Variants in RGS7 observed in about 807,000 individuals in gnomAD.
RGS7 encodes regulator of G protein signaling 7, also known as regulator of G-protein signaling 7.
RGS7 carries 27 observed loss-of-function variants against 81.1 expected under a neutral mutation model. The observed-to-expected ratio is 0.33, with a 90% confidence interval of 0.25 to 0.46. The LOEUF is 0.46. RGS7 is among the 20% of genes least tolerant of loss of function. RGS7 has a pLI of 1.00. For synonymous variants in RGS7, 208 were observed against 207.7 expected, an observed-to-expected ratio of 1.00 and a Z score of -0.01; for missense variants, 396 against 607.4, an observed-to-expected ratio of 0.65 and a Z score of 3.66.
At chr1:241,061,466 C>A (rs2061734572) in intron 3 of RGS7, among the ~76,000 whole-genome samples, 1 of 152,146 alleles carries the variant, frequency 6.6e-6, no homozygotes, top group East Asian at 1.9e-4. Flanking sequence ...GATCTCCTTA[C>A]CCTTATGTTA....
chr1:241,112,055 C>T (rs1378229779), intron 2 of RGS7, among the ~76,000 whole-genome samples: 4 of 152,088 alleles, frequency 2.6e-5, no homozygotes, highest in African/African-American at 7.2e-5. Flanking sequence ...TCAGGTCATT[C>T]GAGCTTAATA....
At chr1:240,785,460 G>A (rs371436337) in intron 18 of RGS7, among the ~76,000 whole-genome samples, 1 of 152,174 alleles carries the variant, frequency 6.6e-6, no homozygotes, top group Non-Finnish European at 1.5e-5. Flanking sequence ...ACGTGATTTT[G>A]TAAGTCATCT....
At chr1:240,823,067 T>C in intron 10 of RGS7, 3 of 742,576 alleles carry the variant, frequency 4.0e-6, no homozygotes, top group Non-Finnish European at 7.1e-6. Context: ...GCCTCCTCAA[T>C]GTCACCTGGA....
chr1:241,061,154 C>A lies in RGS7; in HGVS notation c.175+37512G>T, dbSNP rs553504318. On this transcript the variant is annotated intron_variant, in intron 3 of 18. Coordinates refer to ENST00000440928, the MANE Select transcript of RGS7 (RefSeq NM_001364886.1). Reference sequence around the variant, plus strand: ...GCTGGTTACCTAGAGTCACCCAAGACCCCCAAGACTGACAGTCCAGCTCAA... The same window carrying A: ...GCTGGTTACCTAGAGTCACCCAAGAACCCCAAGACTGACAGTCCAGCTCAA... Among the ~76,000 whole-genome samples, 8 of 152,304 alleles carry A rather than the reference C, an allele frequency of 5.3e-5. No homozygotes were observed. The South Asian group carries it at 1.7e-3, about 32-fold the overall frequency.
intron 3 of RGS7, among the ~76,000 whole-genome samples, chr1:241,087,976 CTATATATA>C (rs1191726960): frequency 1.1e-5 from 1 of 94,750 alleles, no homozygotes; most frequent in African/African-American, 4.7e-5. Context: ...CTCTCTCTCT[CTATATATA>C]TATATATATA....
At chr1:241,180,531 T>G (rs1310010879) in intron 2 of RGS7, among the ~76,000 whole-genome samples, 1 of 152,236 alleles carries the variant, frequency 6.6e-6, no homozygotes, top group Non-Finnish European at 1.5e-5. Context: ...CCTTGACACC[T>G]GTTTCTCATT....
At chr1:241,235,703 T>G (rs1453817226) in intron 2 of RGS7, among the ~76,000 whole-genome samples, 1 of 151,142 alleles carries the variant, frequency 6.6e-6, no homozygotes, top group Non-Finnish European at 1.5e-5. Context: ...TTTCTCTCTT[T>G]CCTTCTCTCT....
At chr1:241,191,021 C>T (rs924658577) in intron 2 of RGS7, among the ~76,000 whole-genome samples, 3 of 151,334 alleles carry the variant, frequency 2.0e-5, no homozygotes, top group Admixed American at 6.6e-5. Flanking sequence ...CTTGCTCTGT[C>T]GCCAGGCTGG....
intron 2 of RGS7, among the ~76,000 whole-genome samples, chr1:241,274,947 T>A (rs2078114000): frequency 6.6e-6 from 1 of 152,244 alleles, no homozygotes; most frequent in African/African-American, 2.4e-5. Context: ...CAGGACGGAC[T>A]GATTATTCAA....
chr1:240,901,826 C>T (rs1012288089), intron 6 of RGS7, among the ~76,000 whole-genome samples: 5 of 152,182 alleles, frequency 3.3e-5, no homozygotes, highest in African/African-American at 1.2e-4. Context: ...TTCTCCCAGA[C>T]CTCTGCAGGC....
chr1:241,202,133 C>T (rs192510827), intron 2 of RGS7, among the ~76,000 whole-genome samples: 1 of 151,814 alleles, frequency 6.6e-6, no homozygotes, highest in Admixed American at 6.6e-5. Flanking sequence ...AAGGTTCTTA[C>T]ATTAATACCT....
At chr1:241,240,851 C>T (rs2076226913) in intron 2 of RGS7, among the ~76,000 whole-genome samples, 1 of 152,156 alleles carries the variant, frequency 6.6e-6, no homozygotes, top group Admixed American at 6.5e-5. Flanking sequence ...CTGCCCTACT[C>T]CCTGAGCCCT....
chr1:241,064,747 G>GA (rs1444746698), intron 3 of RGS7, among the ~76,000 whole-genome samples: 1 of 151,510 alleles, frequency 6.6e-6, no homozygotes, highest in Admixed American at 6.6e-5. Context: ...GACAAAGAAA[G>GA]AAAAAAAAGT....
At chr1:241,282,543 T>C (rs2078578790) in intron 2 of RGS7, among the ~76,000 whole-genome samples, 2 of 152,204 alleles carry the variant, frequency 1.3e-5, no homozygotes, top group Non-Finnish European at 2.9e-5. Context: ...TCCTTTCTGA[T>C]CGAAATGTCC....
chr1:241,129,268 C>A (rs71644381), intron 2 of RGS7, among the ~76,000 whole-genome samples: 46,103 of 145,948 alleles, frequency 0.32, 7,296 homozygotes, highest in African/African-American at 0.39. Context: ...AACAAACAAA[C>A]AAAAAAAAAA....
intron 6 of RGS7, among the ~76,000 whole-genome samples, chr1:240,887,562 T>G (rs557611828): frequency 6.1e-4 from 93 of 152,340 alleles, no homozygotes; most frequent in African/African-American, 2.2e-3. Flanking sequence ...ACCACAGGGT[T>G]GGACCTAGAG....
intron 2 of RGS7, among the ~76,000 whole-genome samples, chr1:241,108,302 CAAAAA>C (rs34848063): frequency 5.1e-4 from 36 of 70,908 alleles, no homozygotes; most frequent in African/African-American, 1.6e-3. Flanking sequence ...GACTCCGTCT[CAAAAA>C]AAAAAAAAAA....
chr1:241,122,546 T>C (rs2066358491), intron 2 of RGS7, among the ~76,000 whole-genome samples: 1 of 150,304 alleles, frequency 6.7e-6, no homozygotes, highest in Admixed American at 6.6e-5. Context: ...CCTGTAACCC[T>C]AGCTACTTGG....
At chr1:241,001,907 A>T (rs1204019025) in intron 3 of RGS7, among the ~76,000 whole-genome samples, 3 of 152,152 alleles carry the variant, frequency 2.0e-5, no homozygotes, top group African/African-American at 2.4e-5. Context: ...CCTAATGTAT[A>T]CTATGGCCCC....
Sources: allele counts gnomAD v4.1 joint callset (sites outside exome capture counted in the v4.1 genomes callset), GRCh38; gene constraint gnomAD v4.1.1; transcripts MANE v1.5; gene names NCBI Gene and HGNC (gene_info 2026-07-23, HGNC 2026-07-21).